Variants in PLEKHB2 observed in about 807,000 individuals in gnomAD.
PLEKHB2 encodes pleckstrin homology domain-containing family B member 2.
In PLEKHB2, 31 loss-of-function variants were observed where a neutral mutation model predicts 36.5. The observed-to-expected ratio is 0.85, with a 90% CI of 0.64 to 1.15. The LOEUF is 1.15. Ranked by LOEUF, PLEKHB2 falls within the 50% of genes most tolerant of loss-of-function variation. PLEKHB2 has a pLI of 0.00. For missense variants in PLEKHB2, 262 were observed against 295.3 expected, an observed-to-expected ratio of 0.89 and a Z score of 0.83; for synonymous variants, 119 against 112.0, an observed-to-expected ratio of 1.06 and a Z score of -0.39.
intron 1 of PLEKHB2, among the ~76,000 whole-genome samples, chr2:131,110,420 T>A (rs1695182744): frequency 6.6e-6 from 1 of 151,884 alleles, no homozygotes; most frequent in Non-Finnish European, 1.5e-5. Context: ...TCGCCCAGGC[T>A]GGAGTGCAGT....
chr2:131,107,501 T>A (rs1219535874), intron 1 of PLEKHB2: 3 of 152,236 alleles, frequency 2.0e-5, no homozygotes, highest in African/African-American at 7.2e-5. Flanking sequence ...ACTGTTGCCC[T>A]TGAAGAACAG....
chr2:131,130,657 C>G, intron 4 of PLEKHB2, 64 bp from the exon 5 acceptor site: 1 of 1,200,226 alleles, frequency 8.3e-7, no homozygotes, highest in South Asian at 1.2e-5. Flanking sequence ...GATGCCAGCC[C>G]AGGTTTCAGA....
rs371276242 is a variant in PLEKHB2, at chr2:131,130,734, A to G, written c.307A>G (p.Thr103Ala). The change falls in exon 5 of 8, where the codon ACA (threonine) becomes GCA (alanine). Residue 103 changes from threonine (T) to alanine (A), a missense_variant. Thr to Ala is a moderately conservative substitution (Grantham distance 58). Coordinates refer to ENST00000693505, the MANE Select transcript of PLEKHB2 (RefSeq NM_001100623.2). ...TCTTTTCTCCAGGGCCTGGAAATTT[A>G]CACTCCAAGATTCTAGGACAAACAC... ...STDDCLAWKF[T>A]LQDSRTNTAY... 2 of 1,611,292 alleles carry G rather than the reference A, an allele frequency of 1.2e-6. No individual in the cohort carries two copies. The highest frequency in any genetic ancestry group is 1.1e-5 in the South Asian group (1 of 90,932).
intron 2 of PLEKHB2, among the ~76,000 whole-genome samples, chr2:131,121,415 A>G: frequency 6.6e-6 from 1 of 151,914 alleles, no homozygotes; most frequent in Non-Finnish European, 1.5e-5. Flanking sequence ...TGCCCGGCTA[A>G]TTTTGTATTT....
At position 131,147,946 on chromosome 2, in the gene PLEKHB2, TAAAG is replaced by T. The variant is rs1221770753; in HGVS notation, c.*1174_*1177del. 2 of 152,284 alleles carry T rather than the reference TAAAG, an allele frequency of 1.3e-5. No homozygotes were observed. The highest frequency in any genetic ancestry group is 2.9e-5 in the Non-Finnish European group (2 of 68,142). The allele number at this position is 152,284 out of a possible 1,614,324, so 9.4% of individuals were successfully genotyped here. ...TTTCTACTTGCTGAGAGAGTAATAT[TAAAG>T]GAACAGTGAGGGAGTGGAAGGAGAG... is the stretch of plus-strand genomic sequence containing the variant. On this transcript the variant is annotated 3_prime_UTR_variant, in exon 8 of 8. Coordinates refer to ENST00000693505, the MANE Select transcript of PLEKHB2 (RefSeq NM_001100623.2).
chr2:131,111,732 C>T (rs1695354971), intron 1 of PLEKHB2, among the ~76,000 whole-genome samples: 1 of 152,064 alleles, frequency 6.6e-6, no homozygotes, highest in South Asian at 2.1e-4. Flanking sequence ...CTCAAGTGAT[C>T]TACTCTCCTC....
At chr2:131,138,810 C>G (rs1698510891) in intron 6 of PLEKHB2, among the ~76,000 whole-genome samples, 1 of 152,158 alleles carries the variant, frequency 6.6e-6, no homozygotes, top group Admixed American at 6.5e-5. Context: ...GGGAGGACAC[C>G]TTATTTCTGC....
At chr2:131,126,203 G>A (rs1422293428) in intron 3 of PLEKHB2, among the ~76,000 whole-genome samples, 5 of 152,164 alleles carry the variant, frequency 3.3e-5, no homozygotes, top group African/African-American at 1.2e-4. Flanking sequence ...ACTGGCTTCT[G>A]TTTGATGGTG....
At position 131,130,739 on chromosome 2, in the gene PLEKHB2, C is replaced by A; in HGVS notation, c.312C>A (p.Leu104=). 6.2e-7 allele frequency: 1 copy of A among 1,611,652 alleles called. No individual in the cohort carries two copies. Among genetic ancestry groups the A allele is most frequent in the Non-Finnish European group, 8.5e-7 (1 of 1,178,032 alleles). Residue 104 remains leucine (L), a synonymous_variant, in exon 5 of 8, where the codon CTC becomes CTA. Transcript: ENST00000693505. ...TCTCCAGGGCCTGGAAATTTACACT[C>A]CAAGATTCTAGGACAAACACAGTAA... ...TDDCLAWKFT[L]QDSRTNTAYV...
intron 1 of PLEKHB2, among the ~76,000 whole-genome samples, chr2:131,116,209 T>C (rs1271568429): frequency 1.3e-5 from 2 of 152,218 alleles, no homozygotes; most frequent in African/African-American, 4.8e-5. Flanking sequence ...ACATTTCCAT[T>C]TCTTTTTTCT....
rs1295512504 is a variant in PLEKHB2 at position 131,147,845 on chromosome 2, G to C, written c.*1072G>C. 6.6e-6 allele frequency: 1 copy of C among 151,658 alleles called. No individual in the cohort carries two copies. The highest frequency in any genetic ancestry group is 2.4e-5 in the African/African-American group (1 of 41,198). 9.4% of individuals were successfully genotyped at this position (151,658 alleles called of 1,614,324 possible). On this transcript the variant is annotated 3_prime_UTR_variant, in exon 8 of 8. Transcript: ENST00000693505. ...AGAAGCCAGAACAATATACAAACAA[G>C]TATGTGGAGGCAGATTTGCTTTATT...
In PLEKHB2 at chr2:131,149,124, T is replaced by C. The variant is rs1192840825; in HGVS notation, c.*2351T>C. On this transcript the variant is annotated 3_prime_UTR_variant, in exon 8 of 8. Coordinates refer to ENST00000693505, the MANE Select transcript of PLEKHB2 (RefSeq NM_001100623.2). The stretch of plus-strand genomic sequence containing the variant: ...GCCAGTCTCATTAGGCAGCCATAGA[T>C]AAGCCTGGAACTTGGCTGTCATTAG... 1 of 152,218 alleles carries C rather than the reference T, an allele frequency of 6.6e-6. No homozygotes were observed. The highest frequency in any genetic ancestry group is 2.4e-5 in the African/African-American group (1 of 41,456). 9.4% of individuals were successfully genotyped at this position (152,218 alleles called of 1,614,324 possible).
intron 7 of PLEKHB2, among the ~76,000 whole-genome samples, chr2:131,146,418 T>C (rs1198879605): frequency 6.6e-6 from 1 of 152,164 alleles, no homozygotes; most frequent in East Asian, 1.9e-4. Context: ...TTTTGCAGAT[T>C]AGGGACTTTG....
At chr2:131,106,855 T>TA (rs1313727328) in intron 1 of PLEKHB2, among the ~76,000 whole-genome samples, 6 of 152,196 alleles carry the variant, frequency 3.9e-5, no homozygotes, top group Non-Finnish European at 8.8e-5. Flanking sequence ...AGTAAATGCT[T>TA]ATTGAAGAAG....
chr2:131,142,897 T>A (rs914902623), intron 7 of PLEKHB2, among the ~76,000 whole-genome samples: 2 of 152,100 alleles, frequency 1.3e-5, no homozygotes, highest in African/African-American at 4.8e-5. Context: ...CTAGACTCTA[T>A]CTCTATATGC....
At chr2:131,128,161 G>T (rs1697285250) in intron 4 of PLEKHB2, among the ~76,000 whole-genome samples, 1 of 152,214 alleles carries the variant, frequency 6.6e-6, no homozygotes, top group Non-Finnish European at 1.5e-5. Context: ...TGCTGGGCTG[G>T]ACTGAGGTAG....
At chr2:131,106,213 G>A (rs865841459) in intron 1 of PLEKHB2, among the ~76,000 whole-genome samples, 1 of 152,182 alleles carries the variant, frequency 6.6e-6, no homozygotes, top group Admixed American at 6.5e-5. Context: ...ATGAGGTGGA[G>A]TGGTCACTGT....
chr2:131,140,077 A>AG (rs1482385590), intron 6 of PLEKHB2, 90 bp from the exon 7 acceptor site: 1 of 700,426 alleles, frequency 1.4e-6, no homozygotes, highest in Non-Finnish European at 2.4e-6. Context: ...TTGACTGTTG[A>AG]ATTTTATTGA....
In PLEKHB2 at chr2:131,146,711, C is replaced by T; in HGVS notation, c.607C>T (p.Leu203=). The part of the protein sequence containing the change: ...RYRDNDSDLA[L]GMLAGAATGM... ...TCGAGACAACGACAGCGACCTGGCA[C>T]TGGGCATGCTGGCAGGAGCAGCCAC... is the stretch of plus-strand genomic sequence containing the variant. Residue 203 remains leucine (L), a synonymous_variant, in exon 8 of 8, where the codon CTG becomes TTG. Coordinates refer to ENST00000693505, the MANE Select transcript of PLEKHB2 (RefSeq NM_001100623.2). The T allele has an allele frequency of 1.2e-6, 2 of 1,613,996 alleles. No homozygotes were observed. The highest frequency in any genetic ancestry group is 1.3e-5 in the African/African-American group (1 of 75,048).
Sources: gnomAD v4.1 joint callset for allele counts (sites outside exome capture counted in the v4.1 genomes callset) on GRCh38, gnomAD v4.1.1 for gene constraint, MANE v1.5 for transcripts, NCBI Gene and HGNC (gene_info 2026-07-23, HGNC 2026-07-21) for gene names.